Variants in DIPK1A observed in about 807,000 individuals in gnomAD.
The protein encoded by DIPK1A is family with sequence similarity 69 member A.
Under a neutral mutation model 40.8 loss-of-function variants are expected in DIPK1A, and 27 were observed. That is an observed-to-expected ratio of 0.66 (90% CI 0.49 to 0.91). The LOEUF (loss-of-function observed/expected upper bound fraction) is 0.91. Among genes scored for constraint, DIPK1A ranks in the 40% least tolerant of loss-of-function variants. The pLI, the probability that DIPK1A is intolerant of heterozygous loss-of-function variation, is 0.00. For synonymous variants in DIPK1A, 166 were observed against 171.3 expected, an observed-to-expected ratio of 0.97 and a Z score of 0.24; for missense variants, 412 against 505.7, an observed-to-expected ratio of 0.81 and a Z score of 1.78.
chr1:92,880,495 G>A lies in DIPK1A; in HGVS notation c.55-4065C>T, dbSNP rs552711188. On this transcript the variant is annotated intron_variant, in intron 1 of 4. Transcript: ENST00000370310. ...TGATAACTTATTTCAAAACAAATCT[G>A]AAAATTTTTGATCTTGTTTGTAACT... Among the ~76,000 whole-genome samples, 4 of 152,218 alleles carry A rather than the reference G, an allele frequency of 2.6e-5. No individual in the cohort carries two copies. In the South Asian group the frequency reaches 8.3e-4, roughly 32 times the overall value.
At chr1:92,913,036 CG>C (rs1346585956) in intron 1 of DIPK1A, among the ~76,000 whole-genome samples, 2 of 151,526 alleles carry the variant, frequency 1.3e-5, no homozygotes, top group African/African-American at 4.9e-5. Context: ...CCCAGGAGGT[CG>C]GGGCTGCAGT....
At chr1:92,846,659 C>G (rs1205451100) in intron 4 of DIPK1A, 1 of 391,780 alleles carries the variant, frequency 2.6e-6, no homozygotes, top group East Asian at 7.3e-5. Context: ...AACAGGGTCT[C>G]ACTTTGTCGT....
chr1:92,846,819 A>ATGTG (rs1469977398), intron 4 of DIPK1A, among the ~76,000 whole-genome samples: 1 of 3,968 alleles, frequency 2.5e-4, no homozygotes, highest in African/African-American at 1.5e-3. Flanking sequence ...ATATATATAT[A>ATGTG]TATATATATA....
chr1:92,837,065 A>G, intron 4 of DIPK1A: 1 of 326,936 alleles, frequency 3.1e-6, no homozygotes, highest in East Asian at 8.1e-5. Context: ...CAAGTACACC[A>G]AGAGCATTCT....
chr1:92,856,303 A>G (rs564550575), intron 2 of DIPK1A, among the ~76,000 whole-genome samples: 77 of 149,324 alleles, frequency 5.2e-4, no homozygotes, highest in African/African-American at 1.9e-3. Flanking sequence ...GGAACAAACA[A>G]AAAAGCTGAA....
chr1:92,876,199 A>T, intron 2 of DIPK1A, 97 bp downstream of exon 2: 1 of 783,076 alleles, frequency 1.3e-6, no homozygotes, highest in Non-Finnish European at 1.8e-6. Flanking sequence ...ATGTCAAATT[A>T]ACTTTTATTT....
At chr1:92,874,212 A>G (rs1648010816) in intron 2 of DIPK1A, among the ~76,000 whole-genome samples, 2 of 152,180 alleles carry the variant, frequency 1.3e-5, no homozygotes, top group Admixed American at 1.3e-4. Context: ...CTTCAACTCT[A>G]ATTTACTCAT....
intron 2 of DIPK1A, among the ~76,000 whole-genome samples, chr1:92,854,597 A>C (rs931419123): frequency 3.3e-5 from 5 of 152,232 alleles, no homozygotes; most frequent in African/African-American, 1.2e-4. Flanking sequence ...TTCAGCTAGT[A>C]GTAGTGGAGA....
rs139656039 is a variant in DIPK1A, at chr1:92,940,117, C to T, written c.54+21259G>A. On this transcript the variant is annotated intron_variant, in intron 1 of 4. Coordinates refer to ENST00000370310, the MANE Select transcript of DIPK1A (RefSeq NM_001006605.5). ...CAAGCATATATAGAGATTTTCCATA[C>T]ATGGGGAGCTAGAAATAGGAAATCT... Among the ~76,000 whole-genome samples, 753 of 152,244 alleles carry T rather than the reference C, an allele frequency of 4.9e-3. 11 individuals are homozygous for T. Among genetic ancestry groups the T allele is most frequent in the African/African-American group, 0.017 (714 of 41,530 alleles).
intron 2 of DIPK1A, among the ~76,000 whole-genome samples, chr1:92,872,999 C>T (rs542871908): frequency 1.6e-4 from 24 of 152,226 alleles, no homozygotes; most frequent in Non-Finnish European, 2.8e-4. Context: ...CTGCTGATTT[C>T]TTGTCCCCAG....
chr1:92,851,573 T>TAAAAA (rs57720787), intron 2 of DIPK1A, among the ~76,000 whole-genome samples: 1 of 132,318 alleles, frequency 7.6e-6, no homozygotes, highest in Non-Finnish European at 1.6e-5. Flanking sequence ...CTTCTGGTTT[T>TAAAAA]AAAATAAATA....
chr1:92,858,547 A>T (rs1385258787), intron 2 of DIPK1A, among the ~76,000 whole-genome samples: 1 of 152,258 alleles, frequency 6.6e-6, no homozygotes, highest in Non-Finnish European at 1.5e-5. Flanking sequence ...TGAGGATTAA[A>T]GTGCATACTT....
intron 1 of DIPK1A, among the ~76,000 whole-genome samples, chr1:92,907,601 G>A (rs2100831305): frequency 6.6e-6 from 1 of 151,902 alleles, no homozygotes; most frequent in African/African-American, 2.4e-5. Context: ...CGCTATGCCT[G>A]GCTTACTTTT....
Position 92,843,132 on chromosome 1 carries a change from G to T in DIPK1A, c.*251C>A. The T allele has an allele frequency of 8.5e-7, 1 of 1,175,258 alleles. No individual in the cohort carries two copies. Among genetic ancestry groups the T allele is most frequent in the Middle Eastern group, 3.6e-4 (1 of 2,798 alleles). 72.8% of individuals were successfully genotyped at this position (1,175,258 alleles called of 1,614,324 possible). ...TTCACAGCATTGGTTTTTAAAGTCA[G>T]TCAAAATAGTTACACAATGAATGTA... On this transcript the variant is annotated 3_prime_UTR_variant, in exon 5 of 5. Transcript: ENST00000370310.
At position 92,842,347 on chromosome 1, in the gene DIPK1A, G is replaced by A. The variant is rs1036944533; in HGVS notation, c.*1036C>T. On this transcript the variant is annotated 3_prime_UTR_variant, in exon 5 of 5. Coordinates refer to ENST00000370310, the MANE Select transcript of DIPK1A (RefSeq NM_001006605.5). ...AGGCGAAACCTTTGAGCAGAAAATAGTGGTTCTTTTCTCCAAAAGGTGTTT... is the reference window on the plus strand; with the variant it reads ...AGGCGAAACCTTTGAGCAGAAAATAATGGTTCTTTTCTCCAAAAGGTGTTT... 1 of 985,600 alleles carries A rather than the reference G, an allele frequency of 1.0e-6. No homozygotes were observed. Among genetic ancestry groups the A allele is most frequent in the Non-Finnish European group, 1.2e-6 (1 of 830,030 alleles). 61.1% of individuals were successfully genotyped at this position (985,600 alleles called of 1,614,324 possible).
chr1:92,914,298 G>C (rs1010293288), intron 1 of DIPK1A, among the ~76,000 whole-genome samples: 3 of 151,836 alleles, frequency 2.0e-5, no homozygotes, highest in African/African-American at 7.3e-5. Flanking sequence ...GTAAAACAAT[G>C]GCTTGTTCTA....
At chr1:92,925,094 G>A (rs1038462839) in intron 1 of DIPK1A, among the ~76,000 whole-genome samples, 4 of 152,088 alleles carry the variant, frequency 2.6e-5, no homozygotes, top group Non-Finnish European at 4.4e-5. Context: ...TAATGTGGTG[G>A]ATTACATTTA....
chr1:92,950,894 T>C (rs13374962), intron 1 of DIPK1A, among the ~76,000 whole-genome samples: 4,627 of 152,312 alleles, frequency 0.03, 206 homozygotes, highest in African/African-American at 0.1. Context: ...GTACCACCGT[T>C]AAACCTAATA....
In DIPK1A at chr1:92,846,839, A is replaced by ACACACACACG. The variant is rs1557449901; in HGVS notation, c.474+343_474+344insCGTGTGTGTG. Among the ~76,000 whole-genome samples, 4 of 4,400 alleles carry ACACACACACG rather than the reference A, an allele frequency of 9.1e-4. 1 individual carries two copies. The African/African-American group carries it at 9.5e-3, about 10-fold the overall frequency. The allele number at this position is 4,400 out of a possible 152,430, so 2.9% of individuals were successfully genotyped here. A position where few individuals can be genotyped will look rare whatever the true frequency, so the allele number is the denominator to read the frequency against. On this transcript the variant is annotated intron_variant, in intron 4 of 4. Coordinates refer to ENST00000370310, the MANE Select transcript of DIPK1A (RefSeq NM_001006605.5). Reference sequence around the variant, plus strand: ...TATATATATATATATATATATATATATATGTGTGTATATATATATGTGTGT... The same window carrying ACACACACACG: ...TATATATATATATATATATATATATACACACACACGTATGTGTGTATATATATATGTGTGT...
Sources: gnomAD v4.1 joint callset for allele counts (sites outside exome capture counted in the v4.1 genomes callset) on GRCh38, gnomAD v4.1.1 for gene constraint, MANE v1.5 for transcripts, NCBI Gene and HGNC (gene_info 2026-07-23, HGNC 2026-07-21) for gene names.